Variants in SLCO4A1 observed in about 807,000 individuals in gnomAD.
SLCO4A1 encodes colon organic anion transporter.
Under a neutral mutation model 64.6 loss-of-function variants are expected in SLCO4A1, and 51 were observed. The observed-to-expected ratio is 0.79, with a 90% CI of 0.63 to 1.00. The LOEUF (loss-of-function observed/expected upper bound fraction) is 1.00. Ranked by LOEUF, SLCO4A1 falls within the 50% of genes least tolerant of loss-of-function variation. The pLI is 0.00. For missense variants in SLCO4A1, 919 were observed against 980.5 expected, an observed-to-expected ratio of 0.94 and a Z score of 0.84; for synonymous variants, 471 against 444.9, an observed-to-expected ratio of 1.06 and a Z score of -0.74.
chr20:62,680,002 T>C (rs1987756866), intron 2 of SLCO4A1, among the ~76,000 whole-genome samples: 1 of 152,248 alleles, frequency 6.6e-6, no homozygotes, highest in South Asian at 2.1e-4. Flanking sequence ...GTTCCAGGGC[T>C]ACCCCCAGGA....
chr20:62,687,689 G>A (rs565301998), downstream of SLCO4A1, among the ~76,000 whole-genome samples: 28 of 152,302 alleles, frequency 1.8e-4, no homozygotes, highest in African/African-American at 4.8e-4. Context: ...GCCACACCTC[G>A]GGGTGCACGG....
chr20:62,657,018 G>A lies in SLCO4A1; in HGVS notation c.564G>A (p.Ala188=), dbSNP rs61730134. 2,791 of 1,583,708 alleles carry A rather than the reference G, an allele frequency of 1.8e-3. 31 individuals are homozygous for A. In the African/African-American group the frequency reaches 0.027, roughly 15 times the overall value. Reference sequence around the variant, plus strand: ...TGGGCACGGGGTCGCTGGTGTTCGCGCTGCCCCACTTCACGGCTGGCCGCT... The same window carrying A: ...TGGGCACGGGGTCGCTGGTGTTCGCACTGCCCCACTTCACGGCTGGCCGCT... The part of the protein sequence containing the change: ...LLMGTGSLVF[A]LPHFTAGRYE... The change falls in exon 2 of 12, where the codon GCG becomes GCA. Residue 188 remains alanine (A), a synonymous_variant. Transcript: ENST00000217159.
chr20:62,661,041 C>CCCCCCCCCCCCCCCACAAAA lies in SLCO4A1; in HGVS notation c.1010-23_1010-22insCCCCCCCCCCCCCCACAAAA. ...TCCGGGAGCCCCCAGCCCCCAGCCC[C>CCCCCCCCCCCCCCCACAAAA]AGCTCACTCTGTGCCCTTCCAGGCT... On this transcript the variant is annotated intron_variant, in intron 4 of 11. Coordinates refer to ENST00000217159, the MANE Select transcript of SLCO4A1 (RefSeq NM_016354.4). This position sits in a 1 kb window ranked among gnomAD's most constrained non-coding sequence, Gnocchi z 5.2. The CCCCCCCCCCCCCCCACAAAA allele has an allele frequency of 7.0e-7, 1 of 1,424,144 alleles. No individual in the cohort carries two copies. The highest frequency in any genetic ancestry group is 9.9e-7 in the Non-Finnish European group (1 of 1,010,142). 88.2% of individuals were successfully genotyped at this position (1,424,144 alleles called of 1,614,324 possible).
chr20:62,683,433 C>T (rs2427381), intron 2 of SLCO4A1, among the ~76,000 whole-genome samples: 42,173 of 151,830 alleles, frequency 0.28, 6,153 homozygotes, highest in Non-Finnish European at 0.32. Flanking sequence ...GGGCGCTTGG[C>T]GGGACGGAAG....
In SLCO4A1 at chr20:62,649,310, C is replaced by G. The variant is rs2427363; in HGVS notation, c.-97+6757C>G. ...ACTCAGCCTTTGGATCTATGTAGGCCCCCAACTGATTGGACGAGGCCCACC... is the reference window on the plus strand; with the variant it reads ...ACTCAGCCTTTGGATCTATGTAGGCGCCCAACTGATTGGACGAGGCCCACC... On this transcript the variant is annotated intron_variant, in intron 1 of 11. Coordinates refer to ENST00000217159, the MANE Select transcript of SLCO4A1 (RefSeq NM_016354.4). The G allele has an allele frequency of 2.6e-5, 4 of 152,086 alleles. No individual in the cohort carries two copies. The South Asian group carries it at 6.2e-4, about 24-fold the overall frequency. The allele number at this position is 152,086 out of a possible 1,614,324, so 9.4% of individuals were successfully genotyped here.
downstream of SLCO4A1, among the ~76,000 whole-genome samples, chr20:62,690,060 C>T (rs1028636711): frequency 1.3e-5 from 2 of 152,230 alleles, no homozygotes; most frequent in African/African-American, 2.4e-5. Flanking sequence ...ACCCCAGCCC[C>T]CTTGCCTGGT....
chr20:62,689,543 G>A (rs899609627), downstream of SLCO4A1, among the ~76,000 whole-genome samples: 3 of 152,222 alleles, frequency 2.0e-5, no homozygotes, highest in East Asian at 1.9e-4. Flanking sequence ...TACGGGGGAC[G>A]TGGCAGAGGG....
chr20:62,657,104 CG>C lies in SLCO4A1; in HGVS notation c.652del (p.Asp218ThrfsTer64). 6.3e-7 allele frequency: 1 copy of C among 1,593,668 alleles called. No homozygotes were observed. The highest frequency in any genetic ancestry group is 1.7e-5 in the Admixed American group (1 of 57,332). On this transcript the variant is annotated frameshift_variant, in exon 2 of 12. Transcript: ENST00000217159. LOFTEE classifies it high-confidence loss of function. Reference sequence around the variant, plus strand: ...CCTGCCAACCCCGGCGCGGTGTGTGCGGACAGCACCTCGGGCCTGTCCCGCT... The same window carrying C: ...CCTGCCAACCCCGGCGCGGTGTGTGCGACAGCACCTCGGGCCTGTCCCGCT... ...TCPANPGAVC[A>X]DSTSGLSRYQ...
At chr20:62,674,503 C>T (rs955913756), downstream of SLCO4A1, among the ~76,000 whole-genome samples, 1 of 152,174 alleles carries the variant, frequency 6.6e-6, no homozygotes, top group African/African-American at 2.4e-5. Flanking sequence ...GAGAGGGAGG[C>T]GGCACACGCG....
At chr20:62,654,157 G>T (rs1417911945) in intron 1 of SLCO4A1, among the ~76,000 whole-genome samples, 3 of 152,274 alleles carry the variant, frequency 2.0e-5, no homozygotes, top group African/African-American at 7.2e-5. Context: ...TGGCTCCCGG[G>T]GCTCCAGGTG....
chr20:62,653,744 C>T (rs1983078290), intron 1 of SLCO4A1, among the ~76,000 whole-genome samples: 1 of 152,194 alleles, frequency 6.6e-6, no homozygotes, highest in East Asian at 1.9e-4. Context: ...TCCGTGGGGG[C>T]TGCTGTAAGA....
At chr20:62,646,738 T>C (rs190264551) in intron 1 of SLCO4A1, among the ~76,000 whole-genome samples, 11 of 152,364 alleles carry the variant, frequency 7.2e-5, no homozygotes, top group Non-Finnish European at 1.5e-4. Context: ...GTCTCTGTTA[T>C]GGGTGGAAAC....
intron 5 of SLCO4A1, chr20:62,663,018 G>A (rs1052622006): frequency 6.6e-6 from 1 of 152,222 alleles, no homozygotes; most frequent in African/African-American, 2.4e-5. Flanking sequence ...CAATCCTCAA[G>A]TCAGGAAATA....
rs1412937448 is a variant in SLCO4A1 at position 62,661,810 on chromosome 20, C to T, written c.1121+635C>T. 6.6e-6 allele frequency among the ~76,000 whole-genome samples: 1 copy of T among 150,628 alleles called. No individual in the cohort carries two copies. The highest frequency in any genetic ancestry group is 1.5e-5 in the Non-Finnish European group (1 of 67,558). On this transcript the variant is annotated intron_variant, in intron 5 of 11. Transcript: ENST00000217159. The surrounding 1 kb of genome is among the most constrained non-coding windows in gnomAD (Gnocchi z 5.2). ...GTGTGGTCCGGCCTTGCTTTGCTGT[C>T]TTGCTGCACTGCTAGGGTGAACCCG...
At position 62,661,379 on chromosome 20, in the gene SLCO4A1, G is replaced by A. The variant is rs995497670; in HGVS notation, c.1121+204G>A. ...GACCCCGCCTCAGGGCTGCAGAGCC[G>A]TGGGAGAGTCCCAGAGTGGGGCCGG... On this transcript the variant is annotated intron_variant, in intron 5 of 11. Coordinates refer to ENST00000217159, the MANE Select transcript of SLCO4A1 (RefSeq NM_016354.4). This position sits in a 1 kb window ranked among gnomAD's most constrained non-coding sequence, Gnocchi z 5.2. Among the ~76,000 whole-genome samples, 7 of 152,148 alleles carry A rather than the reference G, an allele frequency of 4.6e-5. No individual in the cohort carries two copies. The highest frequency in any genetic ancestry group is 1.2e-4 in the African/African-American group (5 of 41,444).
downstream of SLCO4A1, among the ~76,000 whole-genome samples, chr20:62,689,505 C>T (rs1203906417): frequency 6.6e-6 from 1 of 152,216 alleles, no homozygotes; most frequent in East Asian, 1.9e-4. Flanking sequence ...GGCCCATGGC[C>T]TCCCAGGCTG....
chr20:62,680,990 A>C (rs1228988088), intron 2 of SLCO4A1, among the ~76,000 whole-genome samples: 2 of 152,116 alleles, frequency 1.3e-5, no homozygotes, highest in Non-Finnish European at 2.9e-5. Context: ...CTGTAGGCTC[A>C]ACCTCCCCAG....
chr20:62,649,950 G>T (rs1419005567), intron 1 of SLCO4A1: 1 of 152,340 alleles, frequency 6.6e-6, no homozygotes, highest in Non-Finnish European at 1.5e-5. Context: ...GAAGAGGCAG[G>T]TCCTTTGAAT....
At chr20:62,656,283 TGCTGG>T in intron 1 of SLCO4A1, 71 bp from the exon 2 acceptor site, 3 of 608,482 alleles carry the variant, frequency 4.9e-6, no homozygotes, top group South Asian at 2.3e-5. Flanking sequence ...GTGATGGGTG[TGCTGG>T]AATGTTCCCT....
Sources: allele counts gnomAD v4.1 joint callset (sites outside exome capture counted in the v4.1 genomes callset), GRCh38; gene constraint gnomAD v4.1.1; non-coding constraint Gnocchi (gnomAD v3.1); transcripts MANE v1.5; gene names NCBI Gene and HGNC (gene_info 2026-07-23, HGNC 2026-07-21).